Variants in CALD1 observed in about 807,000 individuals in gnomAD.
CALD1 encodes caldesmon.
Under a neutral mutation model 99.9 loss-of-function variants are expected in CALD1, and 33 were observed. The ratio of observed to expected loss-of-function variants is 0.33; its 90% CI spans 0.25 to 0.44. CALD1 has a LOEUF of 0.44. Among genes scored for constraint, CALD1 ranks in the 20% least tolerant of loss-of-function variants. The pLI is 1.00. For synonymous variants in CALD1, 310 were observed against 325.0 expected (o/e 0.95, Z 0.50); for missense variants, 861 against 962.1 (o/e 0.89, Z 1.39).
chr7:134,797,326 T>C (rs764629527), intron 1 of CALD1, among the ~76,000 whole-genome samples: 1 of 152,172 alleles, frequency 6.6e-6, no homozygotes, highest in South Asian at 2.1e-4. Flanking sequence ...CCAAAGCACA[T>C]AGTGCACAAT....
At chr7:134,960,497 C>T (rs1584683559) in intron 12 of CALD1, 36 bp from the exon 13 acceptor site, 1 of 1,255,288 alleles carries the variant, frequency 8.0e-7, no homozygotes, top group Non-Finnish European at 1.2e-6. Flanking sequence ...AAGTTTACTT[C>T]ATTCTTTAAT....
chr7:134,941,746 C>A (rs942979476), intron 7 of CALD1, among the ~76,000 whole-genome samples: 1 of 152,130 alleles, frequency 6.6e-6, no homozygotes, highest in Non-Finnish European at 1.5e-5. Flanking sequence ...TTCTTTACCA[C>A]ATGACTTTGA....
At position 134,933,624 on chromosome 7, in the gene CALD1, C is replaced by A; in HGVS notation, c.855C>A (p.Asp285Glu). The change falls in exon 5 of 15, where the codon GAC becomes GAA. Residue 285 changes from aspartate to glutamate, a missense_variant. Asp to Glu is a conservative substitution (Grantham distance 45, BLOSUM62 2). Transcript: ENST00000361675. Reference sequence around the variant, plus strand: ...GAGAAAGAATTAAAGCCGAGCAAGACAAAAAGATAGCAGATGAACGAGCAA... The same window carrying A: ...GAGAAAGAATTAAAGCCGAGCAAGAAAAAAAGATAGCAGATGAACGAGCAA... The part of the protein sequence containing the change: ...EERERIKAEQ[D>E]KKIADERARI... 1 of 1,611,128 alleles carries A rather than the reference C, an allele frequency of 6.2e-7. No individual in the cohort carries two copies. Among genetic ancestry groups the A allele is most frequent in the South Asian group, 1.1e-5 (1 of 90,450 alleles).
chr7:134,918,720 G>A lies in CALD1; in HGVS notation c.72-10034G>A, dbSNP rs114872114. On this transcript the variant is annotated intron_variant, in intron 3 of 14. Transcript: ENST00000361675. ...TTTAAAGTAGTCATGTACATGGCTA[G>A]GCGTAGTGGCTCACGCCTGTAACCC... Among the ~76,000 whole-genome samples the A allele has an allele frequency of 5.9e-3, 897 of 152,328 alleles. 8 individuals carry two copies. The highest frequency in any genetic ancestry group is 0.02 in the African/African-American group (849 of 41,576).
At chr7:134,834,667 T>C (rs1213704034) in intron 1 of CALD1, among the ~76,000 whole-genome samples, 1 of 152,226 alleles carries the variant, frequency 6.6e-6, no homozygotes, top group Non-Finnish European at 1.5e-5. Flanking sequence ...CTGTTTACTG[T>C]AAAAGGGCCA....
chr7:134,891,499 T>C lies in CALD1; in HGVS notation c.71+23695T>C, dbSNP rs551050301. On this transcript the variant is annotated intron_variant, in intron 3 of 14. Transcript: ENST00000361675. ...ACAAAGGGAGAACACGGGAGCATCCTGCACCGTGCATTTCAGCCACAGATC... is the reference window on the plus strand; with the variant it reads ...ACAAAGGGAGAACACGGGAGCATCCCGCACCGTGCATTTCAGCCACAGATC... The C allele has an allele frequency of 3.4e-6, 5 of 1,478,008 alleles. No homozygotes were observed. In the African/African-American group the frequency reaches 5.6e-5, roughly 17 times the overall value. The allele number at this position is 1,478,008 out of a possible 1,614,324, so 91.6% of individuals were successfully genotyped here.
Position 134,794,589 on chromosome 7 carries a change from T to C in CALD1, c.-130+14840T>C, listed in dbSNP as rs113659239. Among the ~76,000 whole-genome samples the C allele has an allele frequency of 6.9e-3, 1,048 of 152,190 alleles. 21 individuals carry two copies. The highest frequency in any genetic ancestry group is 0.024 in the African/African-American group (984 of 41,518). ...ACAACCTCCACTTCTCGGGTTCAAG[T>C]GATTCTCCTGCCTCAGCCTCCCAAG... On this transcript the variant is annotated intron_variant, in intron 1 of 14. Coordinates refer to ENST00000361675, the MANE Select transcript of CALD1 (RefSeq NM_033138.4).
intron 3 of CALD1, among the ~76,000 whole-genome samples, chr7:134,902,107 A>G (rs1803041838): frequency 6.6e-6 from 1 of 152,056 alleles, no homozygotes; most frequent in South Asian, 2.1e-4. Flanking sequence ...ATTTCTTGCA[A>G]CCTAGAGAGG....
At chr7:134,804,074 G>T (rs992587297) in intron 1 of CALD1, among the ~76,000 whole-genome samples, 1 of 152,106 alleles carries the variant, frequency 6.6e-6, no homozygotes, top group African/African-American at 2.4e-5. Flanking sequence ...AAACTGTCTT[G>T]ATTACTGTGG....
rs114489991 is a variant in CALD1 at position 134,791,487 on chromosome 7, G to T, written c.-130+11738G>T. Among the ~76,000 whole-genome samples the T allele has an allele frequency of 2.4e-3, 371 of 152,084 alleles. 1 individual carries two copies. The highest frequency in any genetic ancestry group is 8.5e-3 in the African/African-American group (353 of 41,488). ...TGCTGGGATTACAGGGACCATGCCCGGCCACAACAGGCACTTTAGAATGCA... is the reference window on the plus strand; with the variant it reads ...TGCTGGGATTACAGGGACCATGCCCTGCCACAACAGGCACTTTAGAATGCA... On this transcript the variant is annotated intron_variant, in intron 1 of 14. Transcript: ENST00000361675.
intron 2 of CALD1, among the ~76,000 whole-genome samples, chr7:134,850,932 C>T (rs1800049902): frequency 6.6e-6 from 1 of 152,304 alleles, no homozygotes; most frequent in East Asian, 1.9e-4. Context: ...ATTTCCCCCA[C>T]ACATGCTCTC....
intron 2 of CALD1, among the ~76,000 whole-genome samples, chr7:134,864,110 G>A (rs1800686353): frequency 6.6e-6 from 1 of 152,136 alleles, no homozygotes; most frequent in African/African-American, 2.4e-5. Flanking sequence ...CAGCACTTTG[G>A]GAGGCCGAGG....
upstream of CALD1, among the ~76,000 whole-genome samples, chr7:134,778,285 C>T (rs1319910292): frequency 6.6e-6 from 1 of 152,206 alleles, no homozygotes; most frequent in African/African-American, 2.4e-5. Context: ...TACTTCCCAA[C>T]TGTTCTAAAA....
intron 3 of CALD1, among the ~76,000 whole-genome samples, chr7:134,904,143 A>G (rs571458045): frequency 6.6e-6 from 1 of 152,204 alleles, no homozygotes; most frequent in African/African-American, 2.4e-5. Flanking sequence ...GAATCACTTT[A>G]ACCCAGGAGG....
At chr7:134,809,067 G>T (rs970134391) in intron 1 of CALD1, among the ~76,000 whole-genome samples, 1 of 152,162 alleles carries the variant, frequency 6.6e-6, no homozygotes, top group African/African-American at 2.4e-5. Flanking sequence ...ACTAAGGAAA[G>T]AATATGAAGG....
chr7:134,835,879 C>T (rs1799414193), intron 1 of CALD1, among the ~76,000 whole-genome samples: 4 of 152,176 alleles, frequency 2.6e-5, no homozygotes. Context: ...GGCGAGGTGG[C>T]TCACACCTGT....
intron 13 of CALD1, chr7:134,962,018 A>G (rs1289142642): frequency 6.6e-6 from 1 of 152,182 alleles, no homozygotes; most frequent in African/African-American, 2.4e-5. Context: ...CTATGGACCT[A>G]CTGAGTAACT....
intron 1 of CALD1, among the ~76,000 whole-genome samples, chr7:134,794,107 T>C (rs1477616824): frequency 1.3e-5 from 2 of 152,124 alleles, no homozygotes; most frequent in Non-Finnish European, 2.9e-5. Context: ...GCTGAGCACA[T>C]ACACACACAC....
chr7:134,726,445 AT>A, the CALD1 span, among the ~76,000 whole-genome samples: 25 of 143,600 alleles, frequency 1.7e-4, no homozygotes, highest in East Asian at 4.8e-3. Context: ...ATAGCTTTAT[AT>A]ATATAATATA....
Sources: allele counts gnomAD v4.1 joint callset (sites outside exome capture counted in the v4.1 genomes callset), GRCh38; gene constraint gnomAD v4.1.1; transcripts MANE v1.5; gene names NCBI Gene and HGNC (gene_info 2026-07-23, HGNC 2026-07-21).